FAM117B: variants seen among roughly 807,000 people sequenced by gnomAD.
The protein encoded by FAM117B is family with sequence similarity 117 member B, also known as protein FAM117B.
In FAM117B, 22 loss-of-function variants were observed where a neutral mutation model predicts 52.8. The observed-to-expected ratio is 0.42, with a 90% CI of 0.30 to 0.59. FAM117B has a LOEUF of 0.59. Among genes scored for constraint, FAM117B ranks in the 20% least tolerant of loss-of-function variants. The pLI is 0.22. For missense variants in FAM117B, 678 were observed against 802.6 expected, an observed-to-expected ratio of 0.84 and a Z score of 1.88; for synonymous variants, 309 against 324.1, an observed-to-expected ratio of 0.95 and a Z score of 0.50.
Position 202,651,834 on chromosome 2 carries a change from A to G in FAM117B, c.601+16046A>G, listed in dbSNP as rs112942660. Among the ~76,000 whole-genome samples, 964 of 152,030 alleles carry G rather than the reference A, an allele frequency of 6.3e-3. 15 individuals carry two copies. The highest frequency in any genetic ancestry group is 0.021 in the African/African-American group (892 of 41,498). ...TTTGGGAGGCTGAGGCAGGCGGATC[A>G]CCTGAAGTCAGGAGTTCGAGACCAG... On this transcript the variant is annotated intron_variant, in intron 1 of 7. Coordinates refer to ENST00000392238, the MANE Select transcript of FAM117B (RefSeq NM_173511.4).
At chr2:202,731,507 T>C (rs934479237) in intron 4 of FAM117B, among the ~76,000 whole-genome samples, 10 of 151,570 alleles carry the variant, frequency 6.6e-5, no homozygotes, top group Non-Finnish European at 1.0e-4. Context: ...CTTGGATCAT[T>C]GTAACCTCCG....
At chr2:202,638,313 C>T (rs886762717) in intron 1 of FAM117B, among the ~76,000 whole-genome samples, 2 of 152,190 alleles carry the variant, frequency 1.3e-5, no homozygotes, top group African/African-American at 4.8e-5. Context: ...GGAGGCACAG[C>T]CTGTAGTCTG....
chr2:202,740,272 ATCACTTG>A (rs1691511996), intron 4 of FAM117B, among the ~76,000 whole-genome samples: 1 of 148,052 alleles, frequency 6.8e-6, no homozygotes. Flanking sequence ...AGGCATGAGA[ATCACTTG>A]AACCTGTGAG....
chr2:202,662,789 A>G (rs1276285079), intron 1 of FAM117B, among the ~76,000 whole-genome samples: 1 of 152,162 alleles, frequency 6.6e-6, no homozygotes, highest in African/African-American at 2.4e-5. Context: ...GGTTGCAGTG[A>G]GCCGAGATCA....
In FAM117B at chr2:202,757,226, C is replaced by T; in HGVS notation, c.1118C>T (p.Pro373Leu). 3 of 1,613,856 alleles carry T rather than the reference C, an allele frequency of 1.9e-6. No individual in the cohort carries two copies. The highest frequency in any genetic ancestry group is 2.5e-6 in the Non-Finnish European group (3 of 1,179,894). Residue 373 changes from proline (P) to leucine (L), a missense_variant, in exon 6 of 8, where the codon CCA (proline) becomes CTA (leucine). Pro to Leu is a moderately conservative substitution (Grantham distance 98, BLOSUM62 -3). Coordinates refer to ENST00000392238, the MANE Select transcript of FAM117B (RefSeq NM_173511.4). ...KEEQLIPQDI[P>L]DGHRAPPPLV... ...ATTTTGTAACAGCCGCAAGATATTCCAGATGGCCATCGTGCTCCACCCCCC... is the reference window on the plus strand; with the variant it reads ...ATTTTGTAACAGCCGCAAGATATTCTAGATGGCCATCGTGCTCCACCCCCC...
chr2:202,636,194 G>A (rs1026266713), intron 1 of FAM117B, among the ~76,000 whole-genome samples: 3 of 152,212 alleles, frequency 2.0e-5, no homozygotes, highest in South Asian at 4.1e-4. Flanking sequence ...GTTAATGTTG[G>A]CATAGCCCAT....
At chr2:202,715,861 C>T (rs966163056) in intron 2 of FAM117B, among the ~76,000 whole-genome samples, 4 of 152,252 alleles carry the variant, frequency 2.6e-5, no homozygotes, top group Admixed American at 1.3e-4. Context: ...TGGCGGATCA[C>T]TTGCGGTTAG....
At chr2:202,745,499 CCCA>C in intron 4 of FAM117B, among the ~76,000 whole-genome samples, 1 of 152,134 alleles carries the variant, frequency 6.6e-6, no homozygotes, top group East Asian at 1.9e-4. Context: ...CTACAAGAAG[CCCA>C]CCACATCTAA....
At chr2:202,682,150 C>T (rs11675723) in intron 1 of FAM117B, among the ~76,000 whole-genome samples, 32,207 of 152,102 alleles carry the variant, frequency 0.21, 3,708 homozygotes, top group South Asian at 0.38. Flanking sequence ...CCACTTTCAT[C>T]GGCAATAAAA....
intron 1 of FAM117B, among the ~76,000 whole-genome samples, chr2:202,665,823 A>G (rs1331600641): frequency 6.6e-6 from 1 of 151,652 alleles, no homozygotes; most frequent in Non-Finnish European, 1.5e-5. Context: ...CCGGTCTCGA[A>G]CTCCTGACCT....
Position 202,766,984 on chromosome 2 carries a change from A to G in FAM117B, c.*1220A>G, listed in dbSNP as rs1691991072. The G allele has an allele frequency of 6.6e-6, 1 of 152,466 alleles. No homozygotes were observed. The highest frequency in any genetic ancestry group is 6.6e-5 in the Admixed American group (1 of 15,266). The allele number at this position is 152,466 out of a possible 1,614,324, so 9.4% of individuals were successfully genotyped here. ...ACAGATTTTGCTAATTTACCCCCCT[A>G]ACGCTTCACATAGTGGGGAAAATAC... On this transcript the variant is annotated 3_prime_UTR_variant, in exon 8 of 8. Coordinates refer to ENST00000392238, the MANE Select transcript of FAM117B (RefSeq NM_173511.4).
At chr2:202,635,908 C>G in intron 1 of FAM117B, 120 bp downstream of exon 1, 2 of 930,808 alleles carry the variant, frequency 2.1e-6, no homozygotes, top group Non-Finnish European at 2.7e-6. Flanking sequence ...GGGGGCGGGG[C>G]TGGGGGCGGT....
chr2:202,749,711 T>C (rs1453501637), intron 4 of FAM117B, among the ~76,000 whole-genome samples: 1 of 152,100 alleles, frequency 6.6e-6, no homozygotes, highest in East Asian at 1.9e-4. Context: ...GGAGGATCAC[T>C]TGAGGCCAGG....
chr2:202,671,482 G>A (rs1241328691), intron 1 of FAM117B, among the ~76,000 whole-genome samples: 1 of 152,158 alleles, frequency 6.6e-6, no homozygotes, highest in Non-Finnish European at 1.5e-5. Flanking sequence ...TCTCTTGCTT[G>A]TCCTGCTGCC....
chr2:202,752,469 A>G (rs1312700217), intron 4 of FAM117B, among the ~76,000 whole-genome samples: 1 of 150,774 alleles, frequency 6.6e-6, no homozygotes, highest in Non-Finnish European at 1.5e-5. Context: ...AAGGAGAAAT[A>G]GAGATTTAAC....
intron 1 of FAM117B, among the ~76,000 whole-genome samples, chr2:202,657,915 A>G (rs958082731): frequency 1.3e-5 from 2 of 151,978 alleles, no homozygotes; most frequent in Non-Finnish European, 2.9e-5. Flanking sequence ...GGTGGCTGCT[A>G]TGGGGATTAC....
At chr2:202,645,818 C>G (rs1020049551) in intron 1 of FAM117B, among the ~76,000 whole-genome samples, 1 of 150,556 alleles carries the variant, frequency 6.6e-6, no homozygotes, top group Non-Finnish European at 1.5e-5. Flanking sequence ...ATTGGCCAGG[C>G]TGGTCTCGAA....
At chr2:202,726,433 G>A in intron 4 of FAM117B, 70 bp downstream of exon 4, 1 of 1,190,146 alleles carries the variant, frequency 8.4e-7, no homozygotes, top group Non-Finnish European at 1.2e-6. Flanking sequence ...TTATTTCATT[G>A]GTAATTGTTT....
chr2:202,765,896 T>G lies in FAM117B; in HGVS notation c.*132T>G, dbSNP rs1691970014. The G allele has an allele frequency of 1.3e-5, 13 of 984,832 alleles. No individual in the cohort carries two copies. The South Asian group carries it at 2.1e-4, about 16-fold the overall frequency. The allele number at this position is 984,832 out of a possible 1,614,324, so 61.0% of individuals were successfully genotyped here. On this transcript the variant is annotated 3_prime_UTR_variant, in exon 8 of 8. Coordinates refer to ENST00000392238, the MANE Select transcript of FAM117B (RefSeq NM_173511.4). ...TCCAGTGACATGTGACGGCGAGGCTTCTGGAAGAAAGGATCCCCCGTGACG... is the reference window on the plus strand; with the variant it reads ...TCCAGTGACATGTGACGGCGAGGCTGCTGGAAGAAAGGATCCCCCGTGACG...
Sources: gnomAD v4.1 joint callset for allele counts (sites outside exome capture counted in the v4.1 genomes callset) on GRCh38, gnomAD v4.1.1 for gene constraint, MANE v1.5 for transcripts, NCBI Gene and HGNC (gene_info 2026-07-23, HGNC 2026-07-21) for gene names.